Variants in ATF7IP observed in about 807,000 individuals in gnomAD.
ATF7IP encodes activating transcription factor 7-interacting protein 1.
ATF7IP carries 23 observed loss-of-function variants against 106.4 expected under a neutral mutation model. The ratio of observed to expected loss-of-function variants is 0.22; its 90% CI spans 0.16 to 0.31. ATF7IP has a LOEUF of 0.31. Among genes scored for constraint, ATF7IP ranks in the 10% least tolerant of loss-of-function variants. The pLI is 1.00. For synonymous variants in ATF7IP, 542 were observed against 539.0 expected (o/e 1.01, Z -0.08); for missense variants, 1,334 against 1,524.3 (o/e 0.88, Z 2.08).
chr12:14,478,188 T>C, intron 11 of ATF7IP, 129 bp from the exon 12 acceptor site: 1 of 821,562 alleles, frequency 1.2e-6, no homozygotes, highest in Non-Finnish European at 1.9e-6. Context: ...AAAATGGAAA[T>C]AAATTATTCT....
At chr12:14,387,694 G>A (rs75900078) in intron 1 of ATF7IP, among the ~76,000 whole-genome samples, 7,471 of 152,192 alleles carry the variant, frequency 0.049, 623 homozygotes, top group African/African-American at 0.17. Context: ...CCCTTAATGA[G>A]ATGATTGCTT....
intron 1 of ATF7IP, among the ~76,000 whole-genome samples, chr12:14,399,075 A>G (rs1039448039): frequency 2.0e-5 from 3 of 152,148 alleles, no homozygotes; most frequent in Non-Finnish European, 4.4e-5. Flanking sequence ...TTTAAAGATG[A>G]TTGATCCTCA....
intron 1 of ATF7IP, among the ~76,000 whole-genome samples, chr12:14,404,305 C>CT (rs772630869): frequency 1.3e-5 from 2 of 152,064 alleles, no homozygotes; most frequent in Non-Finnish European, 2.9e-5. Flanking sequence ...TACAGGAACA[C>CT]TTTATTAGAT....
intron 1 of ATF7IP, among the ~76,000 whole-genome samples, chr12:14,374,101 T>TC (rs1938633001): frequency 6.6e-6 from 1 of 151,414 alleles, no homozygotes; most frequent in Non-Finnish European, 1.5e-5. Flanking sequence ...ATATGACTTT[T>TC]TTTTTTTTTA....
At chr12:14,453,108 G>A (rs1277188311) in intron 6 of ATF7IP, among the ~76,000 whole-genome samples, 4 of 152,086 alleles carry the variant, frequency 2.6e-5, no homozygotes, top group South Asian at 4.1e-4. Flanking sequence ...GTTGTTATGA[G>A]TTGCTTTTCT....
At chr12:14,369,391 G>A (rs557350458) in intron 1 of ATF7IP, 2 of 152,152 alleles carry the variant, frequency 1.3e-5, no homozygotes, top group Non-Finnish European at 2.9e-5. Flanking sequence ...GTCTAGCTCT[G>A]TCTCACAGGC....
At chr12:14,451,486 CTTTGTG>C (rs1337268471) in intron 6 of ATF7IP, among the ~76,000 whole-genome samples, 5 of 151,876 alleles carry the variant, frequency 3.3e-5, no homozygotes, top group African/African-American at 1.2e-4. Context: ...GATTTGAGAT[CTTTGTG>C]TTTGTGTTTT....
intron 1 of ATF7IP, chr12:14,385,384 A>G (rs1034731313): frequency 8.5e-6 from 13 of 1,534,034 alleles, no homozygotes; most frequent in Admixed American, 5.9e-5. Flanking sequence ...GACTTGTCAC[A>G]TGCATCAGGA....
intron 1 of ATF7IP, among the ~76,000 whole-genome samples, chr12:14,391,722 G>C (rs1939564365): frequency 1.3e-5 from 2 of 152,038 alleles, no homozygotes; most frequent in African/African-American, 4.8e-5. Flanking sequence ...TATTTTGTTT[G>C]TTTGTTTGTT....
At chr12:14,405,134 A>G (rs914406008) in intron 1 of ATF7IP, among the ~76,000 whole-genome samples, 1 of 152,152 alleles carries the variant, frequency 6.6e-6, no homozygotes, top group Non-Finnish European at 1.5e-5. Context: ...CTGCCAGTGG[A>G]GGTGCTGGTT....
chr12:14,411,634 T>C (rs544121445), intron 1 of ATF7IP, among the ~76,000 whole-genome samples: 14 of 152,262 alleles, frequency 9.2e-5, no homozygotes, highest in African/African-American at 2.9e-4. Context: ...TATTTGGTGT[T>C]TTATTATTGA....
At chr12:14,472,560 T>G (rs1056886303) in intron 10 of ATF7IP, among the ~76,000 whole-genome samples, 3 of 152,038 alleles carry the variant, frequency 2.0e-5, no homozygotes, top group Non-Finnish European at 4.4e-5. Context: ...ACCACCCTGG[T>G]CCAGATCTTT....
chr12:14,473,185 T>C (rs1255950985), intron 10 of ATF7IP, among the ~76,000 whole-genome samples: 4 of 152,094 alleles, frequency 2.6e-5, no homozygotes, highest in South Asian at 2.1e-4. Flanking sequence ...TCTTTTTTTG[T>C]TGGTTTCTGT....
intron 9 of ATF7IP, among the ~76,000 whole-genome samples, chr12:14,462,542 A>C (rs952192001): frequency 6.6e-6 from 1 of 152,046 alleles, no homozygotes; most frequent in Non-Finnish European, 1.5e-5. Context: ...TTTCCTGAAA[A>C]ACCATGGCTT....
In ATF7IP at chr12:14,424,407, C is replaced by T; in HGVS notation, c.492C>T (p.Pro164=). ...CTGGTGATCCCACCTCTAGCGAGCC[C>T]TCCTCTAGTGATGCTGCCTCTGGTG... The part of the protein sequence containing the change: ...STSGDPTSSE[P]SSSDAASGDA... The change falls in exon 2 of 15, where the codon CCC becomes CCT. Residue 164 remains proline (P), a synonymous_variant. Coordinates refer to ENST00000261168, the MANE Select transcript of ATF7IP (RefSeq NM_018179.5). 6.2e-7 allele frequency: 1 copy of T among 1,613,432 alleles called. No homozygotes were observed. Among genetic ancestry groups the T allele is most frequent in the African/African-American group, 1.3e-5 (1 of 74,834 alleles).
chr12:14,471,845 G>A (rs1944056707), intron 10 of ATF7IP, among the ~76,000 whole-genome samples: 1 of 152,130 alleles, frequency 6.6e-6, no homozygotes, highest in African/African-American at 2.4e-5. Context: ...CATTTGGGTG[G>A]AGACATAGCC....
chr12:14,475,520 A>T (rs1944229979), intron 10 of ATF7IP, among the ~76,000 whole-genome samples: 1 of 152,202 alleles, frequency 6.6e-6, no homozygotes, highest in African/African-American at 2.4e-5. Flanking sequence ...TCTAGCTTTA[A>T]TGATTGCCTT....
At position 14,460,896 on chromosome 12, in the gene ATF7IP, A is replaced by G. The variant is rs1438710889; in HGVS notation, c.2560A>G (p.Ser854Gly). 3 of 1,614,186 alleles carry G rather than the reference A, an allele frequency of 1.9e-6. No homozygotes were observed. Among genetic ancestry groups the G allele is most frequent in the East Asian group, 4.5e-5 (2 of 44,882 alleles). Residue 854 changes from serine (S) to glycine (G), a missense_variant, in exon 9 of 15, where the codon AGT becomes GGT. Ser to Gly is a moderately conservative substitution (Grantham distance 56). Transcript: ENST00000261168. ...PNNVPSVPSP[S>G]IQRNPTASAA... ...CAACGTTCCTTCTGTGCCCAGTCCT[A>G]GTATTCAAAGGAACCCTACTGCCAG... is the stretch of plus-strand genomic sequence containing the variant.
intron 10 of ATF7IP, among the ~76,000 whole-genome samples, chr12:14,473,931 T>C (rs190795987): frequency 8.6e-4 from 131 of 152,186 alleles, no homozygotes; most frequent in Non-Finnish European, 1.2e-3. Context: ...TTGTTCTGTT[T>C]ATTTTCAAAA....
Sources: gnomAD v4.1 joint callset for allele counts (sites outside exome capture counted in the v4.1 genomes callset) on GRCh38, gnomAD v4.1.1 for gene constraint, MANE v1.5 for transcripts, NCBI Gene and HGNC (gene_info 2026-07-23, HGNC 2026-07-21) for gene names.